ERV3-1: variants seen among roughly 807,000 people sequenced by gnomAD.
The protein encoded by ERV3-1 is endogenous retrovirus group 3 member 1, envelope.
ERV3-1 carries 36 observed loss-of-function variants against 24.6 expected under a neutral mutation model. The observed-to-expected ratio is 1.47, with a 90% CI of 1.12 to 1.94. The LOEUF is 1.94. Among genes scored for constraint, ERV3-1 ranks in the 30% most tolerant of loss-of-function variants. ERV3-1 has a pLI of 0.00. For synonymous variants in ERV3-1, 211 were observed against 122.6 expected, an observed-to-expected ratio of 1.72 and a Z score of -4.76; for missense variants, 578 against 330.9, an observed-to-expected ratio of 1.75 and a Z score of -5.79.
chr7:65,000,255 C>T lies in ERV3-1; in HGVS notation c.-389+6286G>A, dbSNP rs531164698. Among the ~76,000 whole-genome samples, 122 of 151,972 alleles carry T rather than the reference C, an allele frequency of 8.0e-4. 2 individuals carry two copies. The South Asian group carries it at 0.022, about 27-fold the overall frequency. ...TGTTTTTTTTTGAGATGGAGTCTCA[C>T]GCTGTTGCCCAGGGTGGAGTGCAGT... On this transcript the variant is annotated intron_variant, in intron 1 of 1. Coordinates refer to ENST00000394323, the MANE Select transcript of ERV3-1 (RefSeq NM_001007253.4).
intron 1 of ERV3-1, among the ~76,000 whole-genome samples, chr7:64,999,877 C>A (rs557791908): frequency 1.3e-5 from 2 of 152,284 alleles, no homozygotes; most frequent in East Asian, 1.9e-4. Flanking sequence ...GTGAGTCAGA[C>A]TGATCAGGGA....
Position 64,992,865 on chromosome 7 carries a change from A to T in ERV3-1, c.162T>A (p.Ala54=). The T allele has an allele frequency of 1.3e-6, 1 of 766,460 alleles. No homozygotes were observed. The highest frequency in any genetic ancestry group is 2.4e-6 in the Non-Finnish European group (1 of 417,914). 47.5% of individuals were successfully genotyped at this position (766,460 alleles called of 1,614,324 possible). ...GAGTACAAGTTCCTAGGCAGGTCCC[A>T]GCACACTCATAATAAGTGTGATACA... is the stretch of plus-strand genomic sequence containing the variant. ...TLLYHTYYEC[A]GTCLGTCTHN... is the part of the protein sequence containing the mutation. Residue 54 remains alanine (A), a synonymous_variant, in exon 2 of 2, where the codon GCT becomes GCA. Coordinates refer to ENST00000394323, the MANE Select transcript of ERV3-1 (RefSeq NM_001007253.4).
Position 64,993,288 on chromosome 7 carries a change from C to T in ERV3-1, c.-262G>A, listed in dbSNP as rs774836759. On this transcript the variant is annotated 5_prime_UTR_variant, in exon 2 of 2. The change creates a new upstream start codon in the 5' untranslated region. Transcript: ENST00000394323. ...CCAGAGCAGGGCTGTTGTCATCTCA[C>T]TGGCACCTTGGTTCCATCGTAGGAT... 1 of 394,456 alleles carries T rather than the reference C, an allele frequency of 2.5e-6. No homozygotes were observed. Among genetic ancestry groups the T allele is most frequent in the Non-Finnish European group, 4.6e-6 (1 of 217,982 alleles). The allele number at this position is 394,456 out of a possible 1,614,324, so 24.4% of individuals were successfully genotyped here.
intron 1 of ERV3-1, among the ~76,000 whole-genome samples, chr7:64,999,684 C>A (rs1438877439): frequency 6.6e-6 from 1 of 152,174 alleles, no homozygotes; most frequent in Non-Finnish European, 1.5e-5. Flanking sequence ...TGCAAACTTG[C>A]AGAAATAGTT....
rs139558013 is a variant in ERV3-1, at chr7:64,998,774, C to T, written c.-388-5360G>A. Reference sequence around the variant, plus strand: ...TGGGGCACCTCCCTAAGCCATATGCCGTAGCCCCAAAGGATGTTTGCCACT... The same window carrying T: ...TGGGGCACCTCCCTAAGCCATATGCTGTAGCCCCAAAGGATGTTTGCCACT... On this transcript the variant is annotated intron_variant, in intron 1 of 1. Coordinates refer to ENST00000394323, the MANE Select transcript of ERV3-1 (RefSeq NM_001007253.4). 9.9e-4 allele frequency among the ~76,000 whole-genome samples: 150 copies of T among 152,158 alleles called. 1 individual carries two copies. The highest frequency in any genetic ancestry group is 3.1e-3 in the African/African-American group (127 of 41,494).
chr7:65,005,921 T>C (rs1369895488), intron 1 of ERV3-1, among the ~76,000 whole-genome samples: 2 of 152,216 alleles, frequency 1.3e-5, no homozygotes, highest in African/African-American at 2.4e-5. Context: ...TCTCATTACA[T>C]GACCAGGGAA....
At chr7:64,993,577 G>C (rs775815178) in intron 1 of ERV3-1, among the ~76,000 whole-genome samples, 163 bp from the exon 2 acceptor site, 1 of 152,142 alleles carries the variant, frequency 6.6e-6, no homozygotes, top group Non-Finnish European at 1.5e-5. Flanking sequence ...ACCCAGCCAT[G>C]GACACTTCAC....
At position 64,992,444 on chromosome 7, in the gene ERV3-1, T is replaced by C; in HGVS notation, c.583A>G (p.Ser195Gly). Residue 195 changes from serine to glycine, a missense_variant, in exon 2 of 2, where the codon AGC becomes GGC. By Grantham distance (56) the Ser-to-Gly change is moderately conservative. Transcript: ENST00000394323. ...KIPLEPDCKT[S>G]TCNSVNLTIL... The stretch of plus-strand genomic sequence containing the variant: ...GTAAGATTTACAGAATTGCAAGTGC[T>C]TGTTTTACAATCTGGTTCTAATGGT... The C allele has an allele frequency of 1.3e-6, 1 of 766,412 alleles. No individual in the cohort carries two copies. Among genetic ancestry groups the C allele is most frequent in the African/African-American group, 1.7e-5 (1 of 59,240 alleles). The allele number at this position is 766,412 out of a possible 1,614,324, so 47.5% of individuals were successfully genotyped here.
chr7:65,006,468 C>G, intron 1 of ERV3-1, 73 bp downstream of exon 1: 1 of 1,551,162 alleles, frequency 6.4e-7, no homozygotes, highest in Non-Finnish European at 8.9e-7. Flanking sequence ...GCCAGAGTCC[C>G]GCCACAGCCA....
In ERV3-1 at chr7:64,992,224, G is replaced by T; in HGVS notation, c.803C>A (p.Pro268His). The change falls in exon 2 of 2, where the codon CCC becomes CAC. Residue 268 changes from proline to histidine, a missense_variant. Physicochemically the swap from Pro to His is moderately conservative, Grantham distance 77. Transcript: ENST00000394323. The part of the protein sequence containing the change: ...YEHVNQKLPE[P>H]PPLASNLFAQ... ...GAATAAATTACTGGCCAAGGGAGGG[G>T]GCTCAGGCAATTTCTGGTTAACATG... 1.3e-6 allele frequency: 1 copy of T among 766,200 alleles called. No homozygotes were observed. The highest frequency in any genetic ancestry group is 2.4e-6 in the Non-Finnish European group (1 of 417,898). 47.5% of individuals were successfully genotyped at this position (766,200 alleles called of 1,614,324 possible).
rs1275086240 is a variant in ERV3-1, at chr7:64,993,022, A to C, written c.5T>G (p.Leu2Arg). The C allele has an allele frequency of 2.7e-6, 2 of 744,298 alleles. No individual in the cohort carries two copies. The highest frequency in any genetic ancestry group is 5.0e-6 in the Non-Finnish European group (2 of 402,622). The allele number at this position is 744,298 out of a possible 1,614,324, so 46.1% of individuals were successfully genotyped here. ...AGTGATGAGTAGCATGTTCATACCCAGCATGGACAGAAAAGGCTTTTTCCT... is the reference window on the plus strand; with the variant it reads ...AGTGATGAGTAGCATGTTCATACCCCGCATGGACAGAAAAGGCTTTTTCCT... MLGMNMLLITLF... is the reference protein window; with the variant it reads MRGMNMLLITLF... The change falls in exon 2 of 2, where the codon CTG becomes CGG. Residue 2 changes from leucine to arginine, a missense_variant. Transcript: ENST00000394323.
At chr7:64,995,992 A>T (rs7807157) in intron 1 of ERV3-1, among the ~76,000 whole-genome samples, 3,595 of 152,344 alleles carry the variant, frequency 0.024, 61 homozygotes, top group Admixed American at 0.036. Flanking sequence ...TTGTCCCATT[A>T]AAATGCAAAG....
Position 64,993,381 on chromosome 7 carries a change from CTGGA to C in ERV3-1, c.-359_-356del. 1 of 208,404 alleles carries C rather than the reference CTGGA, an allele frequency of 4.8e-6. No homozygotes were observed. Among genetic ancestry groups the C allele is most frequent in the Non-Finnish European group, 9.6e-6 (1 of 103,628 alleles). 12.9% of individuals were successfully genotyped at this position (208,404 alleles called of 1,614,324 possible). A position where few individuals can be genotyped will look rare whatever the true frequency, so the allele number is the denominator to read the frequency against. On this transcript the variant is annotated 5_prime_UTR_variant, in exon 2 of 2. It removes the in-frame stop codon of an upstream open reading frame in the 5' UTR. Transcript: ENST00000394323. ...GTCCTGGGCTGCTGGTTTCAGCTGA[CTGGA>C]TGGATGGATCCAAGGCACAATTCCT...
chr7:64,996,379 G>C (rs1236403732), intron 1 of ERV3-1, among the ~76,000 whole-genome samples: 1 of 152,150 alleles, frequency 6.6e-6, no homozygotes, highest in Non-Finnish European at 1.5e-5. Context: ...ACCAGTGCCT[G>C]ATTTACAGCC....
chr7:64,991,338 T>A lies in ERV3-1; in HGVS notation c.1689A>T (p.Gly563=). Residue 563 remains glycine (G), a synonymous_variant, in exon 2 of 2, where the codon GGA becomes GGT. Coordinates refer to ENST00000394323, the MANE Select transcript of ERV3-1 (RefSeq NM_001007253.4). ...ALDYLLAQEE[G]VCGKFNLTNC... ...TAGTAAGGTTGAACTTTCCGCATACTCCCTCTTCCTGGGCTAGGAGGTAGT... is the reference window on the plus strand; with the variant it reads ...TAGTAAGGTTGAACTTTCCGCATACACCCTCTTCCTGGGCTAGGAGGTAGT... The A allele has an allele frequency of 1.4e-6, 1 of 705,558 alleles. No homozygotes were observed. The allele number at this position is 705,558 out of a possible 1,614,324, so 43.7% of individuals were successfully genotyped here. A position where few individuals can be genotyped will look rare whatever the true frequency, so the allele number is the denominator to read the frequency against.
chr7:64,999,052 AC>A (rs991039353), intron 1 of ERV3-1, among the ~76,000 whole-genome samples: 31 of 151,966 alleles, frequency 2.0e-4, no homozygotes, highest in Non-Finnish European at 3.5e-4. Flanking sequence ...TACTAGGTAC[AC>A]CCCAGGAGGT....
intron 1 of ERV3-1, among the ~76,000 whole-genome samples, chr7:64,994,528 A>G (rs1460431309): frequency 2.0e-5 from 3 of 152,052 alleles, no homozygotes. Context: ...ATTGCTGCCC[A>G]TTTTGCCTCC....
chr7:64,995,639 A>G (rs537346756), intron 1 of ERV3-1, among the ~76,000 whole-genome samples: 24 of 152,252 alleles, frequency 1.6e-4, no homozygotes, highest in Admixed American at 1.4e-3. Flanking sequence ...GAAGTGCACA[A>G]ATGGCTTGCT....
intron 1 of ERV3-1, among the ~76,000 whole-genome samples, chr7:64,997,731 G>T (rs1786435210): frequency 1.3e-5 from 2 of 152,190 alleles, no homozygotes; most frequent in African/African-American, 4.8e-5. Flanking sequence ...GTTAAACAGT[G>T]TCAGGAGGAG....
Sources: gnomAD v4.1 joint callset for allele counts (sites outside exome capture counted in the v4.1 genomes callset) on GRCh38, gnomAD v4.1.1 for gene constraint, MANE v1.5 for transcripts, NCBI Gene and HGNC (gene_info 2026-07-23, HGNC 2026-07-21) for gene names.